NMRAL1: variants seen among roughly 807,000 people sequenced by gnomAD.
NMRAL1 encodes nmrA-like family domain-containing protein 1.
In NMRAL1, 32 loss-of-function variants were observed where a neutral mutation model predicts 27.5. That is an observed-to-expected ratio of 1.16 (90% CI 0.88 to 1.56). The LOEUF is 1.56. Ranked by LOEUF, NMRAL1 falls within the 40% of genes most tolerant of loss-of-function variation. The probability of loss-of-function intolerance (pLI) is 0.00; values close to 1 mark genes in which losing one functional copy is unlikely to be tolerated. For missense variants in NMRAL1, 420 were observed against 392.0 expected (o/e 1.07, Z -0.60); for synonymous variants, 166 against 166.8 (o/e 1.00, Z 0.04).
Position 4,466,136 on chromosome 16 carries a change from C to T in NMRAL1, c.529+17G>A, listed in dbSNP as rs375447466. ...GGTGAGAGCTCTGCCTCACCGTGTG[C>T]GAGAAAGGGCACTTACTCAGCAAGT... On this transcript the variant is annotated intron_variant, in intron 4 of 5. Coordinates refer to ENST00000283429, the MANE Select transcript of NMRAL1 (RefSeq NM_020677.6). 1.9e-5 allele frequency: 30 copies of T among 1,613,494 alleles called. No individual in the cohort carries two copies. The Admixed American group carries it at 2.5e-4, about 13-fold the overall frequency.
rs1407861947 is a variant in NMRAL1 at position 4,469,218 on chromosome 16, T to C, written c.279+9A>G. On this transcript the variant is annotated intron_variant, in intron 3 of 5. Transcript: ENST00000283429. ...GCCGGGCCTCCCTGCAGCTCCTGCC[T>C]GCCCTCACCTGCTTGACCTCCTGCT... The C allele has an allele frequency of 3.7e-6, 6 of 1,603,036 alleles. No homozygotes were observed. Among genetic ancestry groups the C allele is most frequent in the Middle Eastern group, 1.6e-4 (1 of 6,066 alleles).
Position 4,463,689 on chromosome 16 carries a change from G to C in NMRAL1, c.691C>G (p.His231Asp), listed in dbSNP as rs370741345. ...AEEYAALLTKHTRKVVHDAKM... is the reference protein window; with the variant it reads ...AEEYAALLTKDTRKVVHDAKM... ...GCATCGTGCACGACCTTGCGGGTGT[G>C]CTTGGTGAGCAGGGCAGCGTACTCC... Residue 231 changes from histidine (H) to aspartate (D), a missense_variant, in exon 5 of 6, where the codon CAC becomes GAC. Physicochemically the swap from His to Asp is moderately conservative, Grantham distance 81 (BLOSUM62 -1). Transcript: ENST00000283429. 1.2e-6 allele frequency: 2 copies of C among 1,613,874 alleles called. No individual in the cohort carries two copies. The highest frequency in any genetic ancestry group is 2.7e-5 in the African/African-American group (2 of 74,932).
intron 4 of NMRAL1, 72 bp downstream of exon 4, chr16:4,466,081 C>T (rs936122839): frequency 1.0e-5 from 16 of 1,576,432 alleles, no homozygotes; most frequent in Middle Eastern, 1.8e-4. Flanking sequence ...TGACAGCGGC[C>T]CGCGGTCTGT....
At chr16:4,464,097 G>T in intron 4 of NMRAL1, 1 of 530,918 alleles carries the variant, frequency 1.9e-6, no homozygotes, top group South Asian at 2.7e-5. Context: ...CTGAGCCTGG[G>T]TTGCTGCATT....
chr16:4,473,706 A>T (rs1467960329), intron 2 of NMRAL1, among the ~76,000 whole-genome samples: 1 of 151,856 alleles, frequency 6.6e-6, no homozygotes, highest in Non-Finnish European at 1.5e-5. Flanking sequence ...GCGGGTCATC[A>T]CCTGAGGTCA....
intron 2 of NMRAL1, among the ~76,000 whole-genome samples, 180 bp downstream of exon 2, chr16:4,473,913 A>G (rs1351735567): frequency 2.6e-5 from 4 of 152,054 alleles, no homozygotes; most frequent in Non-Finnish European, 4.4e-5. Context: ...GTGACAGAGC[A>G]AAACTCCGTC....
chr16:4,470,004 A>T (rs953300283), intron 2 of NMRAL1, among the ~76,000 whole-genome samples: 8 of 151,576 alleles, frequency 5.3e-5, no homozygotes, highest in African/African-American at 1.7e-4. Context: ...CTCTGCTAAA[A>T]ATACAAACTT....
At chr16:4,464,289 G>C (rs868298562) in intron 4 of NMRAL1, 1 of 183,962 alleles carries the variant, frequency 5.4e-6, no homozygotes, top group African/African-American at 2.4e-5. Context: ...CTGGAAGCTG[G>C]AACGTCCACC....
intron 4 of NMRAL1, among the ~76,000 whole-genome samples, chr16:4,465,469 G>A (rs943293314): frequency 6.6e-6 from 1 of 152,240 alleles, no homozygotes; most frequent in African/African-American, 2.4e-5. Context: ...GCCCCAATGG[G>A]CACTGAGAAG....
At chr16:4,474,286 G>A (rs1001615747) in intron 1 of NMRAL1, 120 bp from the exon 2 acceptor site, 9 of 677,558 alleles carry the variant, frequency 1.3e-5, no homozygotes, top group Non-Finnish European at 2.3e-5. Context: ...TGGGCCCGGA[G>A]CGGCAAGACG....
chr16:4,469,545 C>A (rs918945206), intron 2 of NMRAL1, 80 bp from the exon 3 acceptor site: 39 of 1,586,124 alleles, frequency 2.5e-5, no homozygotes, highest in Non-Finnish European at 3.1e-5. Context: ...AGGGAGTGCT[C>A]CACCACAGCA....
At chr16:4,470,161 C>CAAAA (rs34104543) in intron 2 of NMRAL1, among the ~76,000 whole-genome samples, 4 of 51,490 alleles carry the variant, frequency 7.8e-5, no homozygotes, top group Non-Finnish European at 1.5e-4. Flanking sequence ...GATTCCCTCT[C>CAAAA]AAAAAAAAAA....
intron 3 of NMRAL1, 148 bp downstream of exon 3, chr16:4,469,079 C>T (rs575353327): frequency 8.6e-5 from 56 of 652,356 alleles, no homozygotes; most frequent in South Asian, 7.9e-4. Context: ...GCAACAGCGT[C>T]CACCTGCTTC....
intron 2 of NMRAL1, 116 bp from the exon 3 acceptor site, chr16:4,469,581 C>G: frequency 6.5e-7 from 1 of 1,531,748 alleles, no homozygotes. Flanking sequence ...ACCTTCTCAA[C>G]GACGATTCTC....
In NMRAL1 at chr16:4,470,854, G is replaced by A. The variant is rs1246926836; in HGVS notation, c.41-1389C>T. ...CCCAGCTACTCGGGAGACTGAGGCA[G>A]GAGAATGGCATGAACCCAGGAGGTG... On this transcript the variant is annotated intron_variant, in intron 2 of 5. Transcript: ENST00000283429. 3.3e-5 allele frequency among the ~76,000 whole-genome samples: 5 copies of A among 151,968 alleles called. No homozygotes were observed. The South Asian group carries it at 1.0e-3, about 32-fold the overall frequency.
chr16:4,461,719 T>A lies in NMRAL1; in HGVS notation c.*61A>T. ...TGGGAGAACAATGGCTTTATTCAGATGTTGGTGCCTCTGCCCCTCTGGTGC... is the reference window on the plus strand; with the variant it reads ...TGGGAGAACAATGGCTTTATTCAGAAGTTGGTGCCTCTGCCCCTCTGGTGC... On this transcript the variant is annotated 3_prime_UTR_variant, in exon 6 of 6. Transcript: ENST00000283429. 1.4e-6 allele frequency: 2 copies of A among 1,452,498 alleles called. No individual in the cohort carries two copies. Among genetic ancestry groups the A allele is most frequent in the South Asian group, 1.3e-5 (1 of 76,966 alleles). 90.0% of individuals were successfully genotyped at this position (1,452,498 alleles called of 1,614,324 possible). A position where few individuals can be genotyped will look rare whatever the true frequency, so the allele number is the denominator to read the frequency against.
At chr16:4,466,047 C>T in intron 4 of NMRAL1, 106 bp downstream of exon 4, 2 of 1,402,932 alleles carry the variant, frequency 1.4e-6, no homozygotes, top group Admixed American at 1.8e-5. Context: ...CGTGAGGGAG[C>T]CACGGCTTGA....
intron 2 of NMRAL1, among the ~76,000 whole-genome samples, chr16:4,471,904 G>C (rs145718379): frequency 6.6e-6 from 1 of 151,956 alleles, no homozygotes; most frequent in Admixed American, 6.6e-5. Context: ...GTGAGACCCA[G>C]TCTCTACAAA....
At chr16:4,462,000 G>A (rs760584712) in intron 5 of NMRAL1, 41 bp from the exon 6 acceptor site, 11 of 1,554,356 alleles carry the variant, frequency 7.1e-6, no homozygotes, top group Non-Finnish European at 9.6e-6. Flanking sequence ...GTCCTCCAGT[G>A]CCCCGGGAGG....
Sources: gnomAD v4.1 joint callset for allele counts (sites outside exome capture counted in the v4.1 genomes callset) on GRCh38, gnomAD v4.1.1 for gene constraint, MANE v1.5 for transcripts, NCBI Gene and HGNC (gene_info 2026-07-23, HGNC 2026-07-21) for gene names.